The following RGS6 variants were observed in gnomAD, a reference collection of about 807,000 sequenced individuals.
RGS6 encodes regulator of G protein signaling 6, also known as regulator of G-protein signaling 6.
RGS6 carries 30 observed loss-of-function variants against 78.5 expected under a neutral mutation model. That is an observed-to-expected ratio of 0.38 (90% CI 0.29 to 0.52). The LOEUF is 0.52. RGS6 is among the 20% of genes least tolerant of loss of function. The pLI is 0.85. For synonymous variants in RGS6, 206 were observed against 206.0 expected (o/e 1.00, Z 0.00); for missense variants, 495 against 609.7 (o/e 0.81, Z 1.98).
At chr14:72,312,455 T>G (rs892429166) in intron 2 of RGS6, among the ~76,000 whole-genome samples, 4 of 152,180 alleles carry the variant, frequency 2.6e-5, no homozygotes, top group Admixed American at 2.6e-4. Flanking sequence ...TATGTCTTAG[T>G]AGGAGAAGAA....
At chr14:72,506,076 C>G (rs922115120) in intron 13 of RGS6, among the ~76,000 whole-genome samples, 1 of 152,158 alleles carries the variant, frequency 6.6e-6, no homozygotes, top group African/African-American at 2.4e-5. Flanking sequence ...ATCCAGCTAG[C>G]GATTAGAAAA....
At chr14:72,080,786 A>C (rs552057832) in intron 2 of RGS6, among the ~76,000 whole-genome samples, 1 of 151,962 alleles carries the variant, frequency 6.6e-6, no homozygotes, top group African/African-American at 2.4e-5. Flanking sequence ...TCTTTTCCCC[A>C]TGTGTGTTCT....
At chr14:72,094,565 C>G (rs1228969635) in intron 2 of RGS6, among the ~76,000 whole-genome samples, 1 of 152,124 alleles carries the variant, frequency 6.6e-6, no homozygotes, top group African/African-American at 2.4e-5. Context: ...AATTTGTCCT[C>G]TAAATATTTC....
intron 2 of RGS6, among the ~76,000 whole-genome samples, chr14:72,240,203 T>G (rs980032522): frequency 1.2e-4 from 18 of 152,176 alleles, no homozygotes; most frequent in Non-Finnish European, 5.9e-5. Flanking sequence ...TTTGAATAAA[T>G]ATGATTTTCT....
chr14:72,611,120 C>G, the RGS6 span, among the ~76,000 whole-genome samples: 1 of 152,182 alleles, frequency 6.6e-6, no homozygotes, highest in Non-Finnish European at 1.5e-5. Context: ...GGGCCACCCC[C>G]CACAGAGAAG....
chr14:72,324,463 C>T (rs1444717230), intron 2 of RGS6, among the ~76,000 whole-genome samples: 1 of 152,048 alleles, frequency 6.6e-6, no homozygotes, highest in Non-Finnish European at 1.5e-5. Context: ...CACATTAACT[C>T]GCCATTTACA....
At chr14:72,513,808 T>TC (rs1337899574) in intron 14 of RGS6, 1 of 152,236 alleles carries the variant, frequency 6.6e-6, no homozygotes, top group Non-Finnish European at 1.5e-5. Context: ...GCAAAGAGTG[T>TC]CCCCCGTACA....
At chr14:72,113,908 T>A (rs1567231076) in intron 2 of RGS6, among the ~76,000 whole-genome samples, 1 of 152,158 alleles carries the variant, frequency 6.6e-6, no homozygotes, top group Non-Finnish European at 1.5e-5. Context: ...CTGGGGACAA[T>A]AATGCAATCT....
the RGS6 span, among the ~76,000 whole-genome samples, chr14:71,887,551 T>A: frequency 1.3e-5 from 2 of 152,180 alleles, no homozygotes; most frequent in Non-Finnish European, 2.9e-5. Flanking sequence ...AAATGGCTGC[T>A]CTGGGAATGT....
intron 15 of RGS6, among the ~76,000 whole-genome samples, chr14:72,524,083 T>C (rs893252332): frequency 3.3e-5 from 5 of 152,242 alleles, no homozygotes; most frequent in Non-Finnish European, 5.9e-5. Flanking sequence ...AAGTGCTATA[T>C]ATTTGTAAGT....
intron 2 of RGS6, among the ~76,000 whole-genome samples, chr14:72,328,424 A>G (rs189515396): frequency 6.6e-6 from 1 of 152,218 alleles, no homozygotes; most frequent in South Asian, 2.1e-4. Context: ...AAAGTATCAA[A>G]CACTCTGTGC....
intron 15 of RGS6, among the ~76,000 whole-genome samples, chr14:72,525,703 G>A (rs1021710124): frequency 6.6e-6 from 1 of 152,218 alleles, no homozygotes; most frequent in Admixed American, 6.5e-5. Flanking sequence ...CTTTGCTCCA[G>A]TGGTGGAGGT....
intron 3 of RGS6, among the ~76,000 whole-genome samples, chr14:72,410,485 T>C (rs2093327546): frequency 6.6e-6 from 1 of 152,248 alleles, no homozygotes; most frequent in African/African-American, 2.4e-5. Context: ...GTCAGATGAA[T>C]AGGTTGCAAA....
intron 13 of RGS6, among the ~76,000 whole-genome samples, chr14:72,496,292 A>T (rs1028711748): frequency 6.6e-6 from 1 of 152,214 alleles, no homozygotes; most frequent in Non-Finnish European, 1.5e-5. Flanking sequence ...GGATAGTCCA[A>T]ATTTTTTATG....
chr14:72,095,605 G>A (rs2095385863), intron 2 of RGS6, among the ~76,000 whole-genome samples: 1 of 152,134 alleles, frequency 6.6e-6, no homozygotes. Context: ...CAGAAAATTG[G>A]GTATTTCACA....
intron 2 of RGS6, among the ~76,000 whole-genome samples, chr14:71,980,300 C>T (rs2153114860): frequency 7.7e-6 from 1 of 129,232 alleles, no homozygotes; most frequent in Admixed American, 7.9e-5. Flanking sequence ...TTGATCCTGT[C>T]ATTATGATGT....
At position 72,459,569 on chromosome 14, in the gene RGS6, G is replaced by T. The variant is rs946519037; in HGVS notation, c.343-63G>T. ...CTGCCATCAGGGAGGCTCCTCCCTGGGTGTGGGAGGGAAGCGCAGGCATGG... is the reference window on the plus strand; with the variant it reads ...CTGCCATCAGGGAGGCTCCTCCCTGTGTGTGGGAGGGAAGCGCAGGCATGG... On this transcript the variant is annotated intron_variant, in intron 5 of 17. Coordinates refer to ENST00000553525, the MANE Select transcript of RGS6 (RefSeq NM_001204424.2). 4 of 1,517,226 alleles carry T rather than the reference G, an allele frequency of 2.6e-6. No homozygotes were observed. The Admixed American group carries it at 6.7e-5, about 25-fold the overall frequency. 94.0% of individuals were successfully genotyped at this position (1,517,226 alleles called of 1,614,324 possible).
chr14:72,136,283 A>G (rs756418651), intron 2 of RGS6, among the ~76,000 whole-genome samples: 1 of 152,170 alleles, frequency 6.6e-6, no homozygotes, highest in Non-Finnish European at 1.5e-5. Flanking sequence ...ACTGTTGTCC[A>G]AGGACATCTT....
intron 3 of RGS6, among the ~76,000 whole-genome samples, chr14:72,436,642 C>A (rs760696453): frequency 6.6e-6 from 1 of 152,130 alleles, no homozygotes; most frequent in Non-Finnish European, 1.5e-5. Flanking sequence ...AAAATGTGGT[C>A]ATTTCCTCTT....
Sources: gnomAD v4.1 joint callset for allele counts (sites outside exome capture counted in the v4.1 genomes callset) on GRCh38, gnomAD v4.1.1 for gene constraint, MANE v1.5 for transcripts, NCBI Gene and HGNC (gene_info 2026-07-23, HGNC 2026-07-21) for gene names.